The following ENTHD1 variants were observed in gnomAD, a reference collection of about 807,000 sequenced individuals.
ENTHD1 encodes the protein ENTH domain-containing protein 1.
ENTHD1 carries 23 observed loss-of-function variants against 39.1 expected under a neutral mutation model. That is an observed-to-expected ratio of 0.59 (90% confidence interval 0.42 to 0.83). ENTHD1 has a LOEUF of 0.83. Among genes scored for constraint, ENTHD1 ranks in the 40% least tolerant of loss-of-function variants. The pLI is 0.00. For synonymous variants in ENTHD1, 230 were observed against 258.2 expected, an observed-to-expected ratio of 0.89 and a Z score of 1.05; for missense variants, 624 against 705.4, an observed-to-expected ratio of 0.88 and a Z score of 1.31.
chr22:39,825,122 A>G (rs575101980), intron 4 of ENTHD1, among the ~76,000 whole-genome samples: 1 of 152,156 alleles, frequency 6.6e-6, no homozygotes, highest in Non-Finnish European at 1.5e-5. Flanking sequence ...CAACATATGG[A>G]CTCTGTACAT....
intron 5 of ENTHD1, among the ~76,000 whole-genome samples, chr22:39,798,194 T>C (rs888865698): frequency 3.9e-5 from 6 of 152,070 alleles, no homozygotes; most frequent in African/African-American, 7.2e-5. Flanking sequence ...TCTTCATGCT[T>C]CCAAATTCTT....
chr22:39,768,186 C>T lies in ENTHD1; in HGVS notation c.833-2577G>A, dbSNP rs374080938. On this transcript the variant is annotated intron_variant, in intron 5 of 6. Transcript: ENST00000325157. ...TGTCTATGCAATGCGTCAAATTATTCCTCTCCAATTCAATTACTACTTTAT... is the reference window on the plus strand; with the variant it reads ...TGTCTATGCAATGCGTCAAATTATTTCTCTCCAATTCAATTACTACTTTAT... 3.3e-5 allele frequency among the ~76,000 whole-genome samples: 5 copies of T among 152,150 alleles called. No individual in the cohort carries two copies. The East Asian group carries it at 9.6e-4, about 29-fold the overall frequency.
chr22:39,862,456 G>A (rs1264459074), intron 2 of ENTHD1, among the ~76,000 whole-genome samples: 8 of 151,768 alleles, frequency 5.3e-5, no homozygotes, highest in Non-Finnish European at 1.0e-4. Flanking sequence ...GCTGAGACAG[G>A]GGAATCACTT....
chr22:39,783,530 C>A (rs540724956), intron 5 of ENTHD1, among the ~76,000 whole-genome samples: 1 of 151,780 alleles, frequency 6.6e-6, no homozygotes, highest in African/African-American at 2.4e-5. Context: ...ACCAAATCAG[C>A]GTGAATAAAA....
chr22:39,866,801 C>T (rs1279113276), intron 2 of ENTHD1, among the ~76,000 whole-genome samples: 1 of 152,218 alleles, frequency 6.6e-6, no homozygotes, highest in Non-Finnish European at 1.5e-5. Flanking sequence ...ACTGTGACAT[C>T]CACGAAGTCC....
intron 6 of ENTHD1, among the ~76,000 whole-genome samples, chr22:39,748,249 CAA>C (rs60946846): frequency 9.0e-4 from 54 of 60,080 alleles, no homozygotes; most frequent in Admixed American, 1.3e-3. Context: ...ACCCTGTCTC[CAA>C]AAAAAAAAAA....
At position 39,881,908 on chromosome 22, in the gene ENTHD1, G is replaced by C. The variant is rs141359568; in HGVS notation, c.349+5492C>G. Among the ~76,000 whole-genome samples, 3 of 152,234 alleles carry C rather than the reference G, an allele frequency of 2.0e-5. No homozygotes were observed. The East Asian group carries it at 5.8e-4, about 29-fold the overall frequency. ...ACGCAAGTGTAAAGACCAAATAAGA[G>C]AGCCAAGAAAGCCTTTTTTTCTATA... On this transcript the variant is annotated intron_variant, in intron 2 of 6. Coordinates refer to ENST00000325157, the MANE Select transcript of ENTHD1 (RefSeq NM_152512.4).
At chr22:39,876,983 C>A (rs930736591) in intron 2 of ENTHD1, among the ~76,000 whole-genome samples, 1 of 152,162 alleles carries the variant, frequency 6.6e-6, no homozygotes. Context: ...AAGATGTGTA[C>A]ATAAATGGAC....
intron 5 of ENTHD1, among the ~76,000 whole-genome samples, chr22:39,768,402 T>C (rs1176241498): frequency 6.6e-6 from 1 of 152,162 alleles, no homozygotes; most frequent in African/African-American, 2.4e-5. Flanking sequence ...TCATTCTCCA[T>C]GTTAACACAG....
chr22:39,892,910 C>T (rs1259849852), intron 1 of ENTHD1, among the ~76,000 whole-genome samples: 2 of 152,174 alleles, frequency 1.3e-5, no homozygotes, highest in East Asian at 3.8e-4. Flanking sequence ...CTGTCAGAGG[C>T]AGAGAATCTA....
chr22:39,892,712 C>G (rs2146790738), intron 1 of ENTHD1, among the ~76,000 whole-genome samples: 1 of 152,300 alleles, frequency 6.6e-6, no homozygotes, highest in East Asian at 1.9e-4. Flanking sequence ...GTGTCCAGAG[C>G]TATCTCTGAA....
intron 5 of ENTHD1, among the ~76,000 whole-genome samples, chr22:39,812,781 CTTTTT>C (rs965805368): frequency 4.6e-5 from 7 of 151,536 alleles, no homozygotes; most frequent in African/African-American, 1.5e-4. Flanking sequence ...ATCCCTTTGT[CTTTTT>C]TTTTGTTTTG....
At chr22:39,784,582 A>ACACACACT (rs1491396024) in intron 5 of ENTHD1, among the ~76,000 whole-genome samples, 11 of 144,916 alleles carry the variant, frequency 7.6e-5, no homozygotes, top group African/African-American at 2.5e-4. Flanking sequence ...ACACACACAC[A>ACACACACT]CTAGAATATT....
chr22:39,855,731 G>A (rs565891494), intron 3 of ENTHD1, among the ~76,000 whole-genome samples: 1 of 152,308 alleles, frequency 6.6e-6, no homozygotes, highest in East Asian at 1.9e-4. Flanking sequence ...GGATCATGAA[G>A]TGGAACTTAA....
At chr22:39,892,938 G>A (rs1331234531) in intron 1 of ENTHD1, among the ~76,000 whole-genome samples, 1 of 152,186 alleles carries the variant, frequency 6.6e-6, no homozygotes. Context: ...CCAGCCCTAA[G>A]TGTGTGTTCA....
intron 5 of ENTHD1, among the ~76,000 whole-genome samples, chr22:39,778,080 A>T (rs2065379511): frequency 6.6e-6 from 1 of 152,238 alleles, no homozygotes; most frequent in Non-Finnish European, 1.5e-5. Context: ...ATTGGGTCAG[A>T]GGTTTAATTC....
intron 3 of ENTHD1, among the ~76,000 whole-genome samples, chr22:39,843,947 CAGACACAA>C (rs1229128205): frequency 3.9e-5 from 6 of 152,186 alleles, no homozygotes; most frequent in Admixed American, 2.0e-4. Flanking sequence ...GTATCCACTA[CAGACACAA>C]TCTCTATGTT....
chr22:39,768,978 A>G (rs1448356792), intron 5 of ENTHD1, among the ~76,000 whole-genome samples: 1 of 151,692 alleles, frequency 6.6e-6, no homozygotes, highest in Non-Finnish European at 1.5e-5. Flanking sequence ...ATATAGATAG[A>G]TACATATACA....
chr22:39,859,511 C>T (rs2066122316), intron 3 of ENTHD1, among the ~76,000 whole-genome samples: 1 of 152,082 alleles, frequency 6.6e-6, no homozygotes, highest in Non-Finnish European at 1.5e-5. Context: ...CACTTAGAGG[C>T]CATTGTAGGG....
Sources: gnomAD v4.1 joint callset for allele counts (sites outside exome capture counted in the v4.1 genomes callset) on GRCh38, gnomAD v4.1.1 for gene constraint, MANE v1.5 for transcripts, NCBI Gene and HGNC (gene_info 2026-07-23, HGNC 2026-07-21) for gene names.